CA13: variants seen among roughly 807,000 people sequenced by gnomAD.
CA13 encodes the protein CA-XIII.
In CA13, 21 loss-of-function variants were observed where a neutral mutation model predicts 31.5. That is an observed-to-expected ratio of 0.67 (90% confidence interval 0.47 to 0.96). The LOEUF (loss-of-function observed/expected upper bound fraction) is 0.96, where lower values mean the gene tolerates loss of function less well. CA13 is among the 40% of genes least tolerant of loss of function. The pLI, the probability that CA13 is intolerant of heterozygous loss-of-function variation, is 0.00. For synonymous variants in CA13, 117 were observed against 111.4 expected, an observed-to-expected ratio of 1.05 and a Z score of -0.32; for missense variants, 315 against 318.9, an observed-to-expected ratio of 0.99 and a Z score of 0.09.
Position 85,281,261 on chromosome 8 carries a change from C to G in CA13, c.701C>G (p.Ala234Gly), listed in dbSNP as rs141903317. ...LAKFRSLLCT[A>G]EGEAAAFLVS... ...AAATTTCGCAGTCTCCTGTGCACAG[C>G]GGAGGGTGAAGCAGCAGCTTTTCTG... The change falls in exon 7 of 7, where the codon GCG becomes GGG. Residue 234 changes from alanine to glycine, a missense_variant. By Grantham distance (60) the Ala-to-Gly change is moderately conservative. Transcript: ENST00000321764. 2.5e-6 allele frequency: 4 copies of G among 1,613,864 alleles called. No individual in the cohort carries two copies. The highest frequency in any genetic ancestry group is 3.3e-5 in the Admixed American group (2 of 59,994).
rs1269657527 is a variant in CA13 at position 85,281,539 on chromosome 8, G to T, written c.*190G>T. On this transcript the variant is annotated 3_prime_UTR_variant, in exon 7 of 7. Coordinates refer to ENST00000321764, the MANE Select transcript of CA13 (RefSeq NM_198584.3). ...TTTTTTTATTTTTTTTAGTGATAGA[G>T]TCTCACTCTGTCACCCAGGCTGGAG... 5.6e-6 allele frequency: 7 copies of T among 1,256,924 alleles called. No homozygotes were observed. Among genetic ancestry groups the T allele is most frequent in the Non-Finnish European group, 7.1e-6 (7 of 985,924 alleles). The allele number at this position is 1,256,924 out of a possible 1,614,324, so 77.9% of individuals were successfully genotyped here.
intron 6 of CA13, among the ~76,000 whole-genome samples, chr8:85,273,988 C>G (rs1807564621): frequency 6.6e-6 from 1 of 151,836 alleles, no homozygotes; most frequent in African/African-American, 2.4e-5. Flanking sequence ...AGTACCCGGA[C>G]GGCCTCCGTC....
chr8:85,278,399 C>T (rs2130015030), intron 6 of CA13, among the ~76,000 whole-genome samples: 1 of 151,924 alleles, frequency 6.6e-6, no homozygotes, highest in Middle Eastern at 3.4e-3. Context: ...TGCTTTGGGA[C>T]CACCCCTCCC....
At chr8:85,251,336 A>G (rs1813825088) in intron 2 of CA13, among the ~76,000 whole-genome samples, 1 of 152,142 alleles carries the variant, frequency 6.6e-6, no homozygotes, top group Admixed American at 6.5e-5. Flanking sequence ...TGTTTTTGCT[A>G]GACCTGGAAT....
At chr8:85,259,667 T>G in intron 3 of CA13, 128 bp downstream of exon 3, 1 of 703,456 alleles carries the variant, frequency 1.4e-6, no homozygotes, top group Non-Finnish European at 2.4e-6. Context: ...TGAAACTGCT[T>G]TATTCATTCA....
chr8:85,245,821 G>A lies in CA13; in HGVS notation c.-8G>A. On this transcript the variant is annotated 5_prime_UTR_variant, in exon 1 of 7. Coordinates refer to ENST00000321764, the MANE Select transcript of CA13 (RefSeq NM_198584.3). Reference sequence around the variant, plus strand: ...CACATCTTTCTCTTCCTTCCACCCCGAGGGACCATGTCGAGGCTCAGCTGG... The same window carrying A: ...CACATCTTTCTCTTCCTTCCACCCCAAGGGACCATGTCGAGGCTCAGCTGG... The A allele has an allele frequency of 6.2e-7, 1 of 1,614,022 alleles. No individual in the cohort carries two copies. Among genetic ancestry groups the A allele is most frequent in the Middle Eastern group, 1.7e-4 (1 of 6,060 alleles).
At position 85,281,962 on chromosome 8, in the gene CA13, A is replaced by G. The variant is rs975963079; in HGVS notation, c.*613A>G. On this transcript the variant is annotated 3_prime_UTR_variant, in exon 7 of 7. Coordinates refer to ENST00000321764, the MANE Select transcript of CA13 (RefSeq NM_198584.3). Reference sequence around the variant, plus strand: ...TATAGTTAACATTGCAAACTTTAGAATGTATTAAAAATTTTACCTTGCCAT... The same window carrying G: ...TATAGTTAACATTGCAAACTTTAGAGTGTATTAAAAATTTTACCTTGCCAT... 2.0e-5 allele frequency: 3 copies of G among 152,216 alleles called. No homozygotes were observed. The highest frequency in any genetic ancestry group is 4.8e-5 in the African/African-American group (2 of 41,442). 9.4% of individuals were successfully genotyped at this position (152,216 alleles called of 1,614,324 possible). A position where few individuals can be genotyped will look rare whatever the true frequency, so the allele number is the denominator to read the frequency against.
chr8:85,245,687 C>G lies in CA13; in HGVS notation c.-142C>G, dbSNP rs1268835724. On this transcript the variant is annotated 5_prime_UTR_variant, in exon 1 of 7. Coordinates refer to ENST00000321764, the MANE Select transcript of CA13 (RefSeq NM_198584.3). ...CTGGAGGACGCAGGCGGGAGCGCCC[C>G]GGACCGGGTTCACGGTCTCGCACTC... 8 of 935,922 alleles carry G rather than the reference C, an allele frequency of 8.5e-6. No homozygotes were observed. Among genetic ancestry groups the G allele is most frequent in the Non-Finnish European group, 1.2e-5 (7 of 598,492 alleles). 58.0% of individuals were successfully genotyped at this position (935,922 alleles called of 1,614,324 possible). A position where few individuals can be genotyped will look rare whatever the true frequency, so the allele number is the denominator to read the frequency against.
At chr8:85,259,037 G>A (rs981876585) in intron 2 of CA13, among the ~76,000 whole-genome samples, 5 of 152,120 alleles carry the variant, frequency 3.3e-5, no homozygotes, top group African/African-American at 1.2e-4. Context: ...CCACAATGCT[G>A]CACTGCTCTA....
rs574681472 is a variant in CA13 at position 85,245,970 on chromosome 8, A to C, written c.37+105A>C. The C allele has an allele frequency of 3.0e-6, 4 of 1,332,054 alleles. No individual in the cohort carries two copies. The African/African-American group carries it at 6.3e-5, about 21-fold the overall frequency. 82.5% of individuals were successfully genotyped at this position (1,332,054 alleles called of 1,614,324 possible). ...CACACACTGGGCTCGCACATTGAGA[A>C]ACTTTTTCGGTTCCTCTTTAAACTA... On this transcript the variant is annotated intron_variant, in intron 1 of 6. Transcript: ENST00000321764.
At position 85,268,473 on chromosome 8, in the gene CA13, G is replaced by A. The variant is rs1807484549; in HGVS notation, c.515G>A (p.Gly172Asp). 1 of 1,613,934 alleles carries A rather than the reference G, an allele frequency of 6.2e-7. No homozygotes were observed. Among genetic ancestry groups the A allele is most frequent in the Non-Finnish European group, 8.5e-7 (1 of 1,179,916 alleles). The change falls in exon 6 of 7, where the codon GGT becomes GAT. Residue 172 changes from glycine to aspartate, a missense_variant and splice_region_variant. By Grantham distance (94) the Gly-to-Asp change is moderately conservative. Transcript: ENST00000321764. ...TDTLDSIKEK[G>D]KQTRFTNFDL... The stretch of plus-strand genomic sequence containing the variant: ...TGGGAATTCTTTTTGATCCTCCAGG[G>A]TAAACAAACTCGATTCACAAATTTT...
intron 6 of CA13, among the ~76,000 whole-genome samples, chr8:85,279,873 A>T (rs1033386379): frequency 6.6e-6 from 1 of 152,116 alleles, no homozygotes; most frequent in African/African-American, 2.4e-5. Flanking sequence ...TTGACCAGAG[A>T]TTCTCTTCAG....
rs1004156722 is a variant in CA13 at position 85,283,050 on chromosome 8, G to C, written c.*1701G>C. 1.8e-4 allele frequency: 28 copies of C among 151,960 alleles called. No individual in the cohort carries two copies. The highest frequency in any genetic ancestry group is 6.5e-4 in the African/African-American group (27 of 41,392). 9.4% of individuals were successfully genotyped at this position (151,960 alleles called of 1,614,324 possible). On this transcript the variant is annotated 3_prime_UTR_variant, in exon 7 of 7. Transcript: ENST00000321764. ...AATGATTCTCCTGCCTCAGCCTCTT[G>C]AGTGGCTGGGATTACAGGCACATGC...
At chr8:85,255,192 T>C (rs1465489070) in intron 2 of CA13, among the ~76,000 whole-genome samples, 1 of 151,982 alleles carries the variant, frequency 6.6e-6, no homozygotes, top group Non-Finnish European at 1.5e-5. Flanking sequence ...CCATAACTCA[T>C]TGAAGCCCGG....
intron 6 of CA13, among the ~76,000 whole-genome samples, chr8:85,272,629 A>G (rs928823604): frequency 1.3e-5 from 2 of 152,160 alleles, no homozygotes; most frequent in African/African-American, 2.4e-5. Context: ...AATATATTTC[A>G]CAGTTGATGG....
At chr8:85,277,625 C>T (rs966315121) in intron 6 of CA13, among the ~76,000 whole-genome samples, 11 of 152,282 alleles carry the variant, frequency 7.2e-5, no homozygotes, top group South Asian at 2.1e-4. Flanking sequence ...CCAGATGCAA[C>T]GCTCTTGTAT....
intron 2 of CA13, among the ~76,000 whole-genome samples, chr8:85,253,195 T>A (rs552237864): frequency 6.6e-6 from 1 of 152,318 alleles, no homozygotes; most frequent in African/African-American, 2.4e-5. Flanking sequence ...TCCGCCCGCC[T>A]CGGCCTCCCA....
At chr8:85,251,000 T>TA in intron 2 of CA13, 63 bp downstream of exon 2, 1 of 830,884 alleles carries the variant, frequency 1.2e-6, no homozygotes. Context: ...TAGACTATAC[T>TA]CTTTTTTTTT....
chr8:85,245,877 T>TTCC lies in CA13; in HGVS notation c.37+14_37+16dup, dbSNP rs1813716040. On this transcript the variant is annotated intron_variant, in intron 1 of 6. Coordinates refer to ENST00000321764, the MANE Select transcript of CA13 (RefSeq NM_198584.3). Reference sequence around the variant, plus strand: ...CCGCGAGCACAACGGTGAGCGCCTTTTCCTGATCCAAGGGGGGGTTTGTGC... The same window carrying TTCC: ...CCGCGAGCACAACGGTGAGCGCCTTTTCCTCCTGATCCAAGGGGGGGTTTGTGC... The TTCC allele has an allele frequency of 4.3e-6, 7 of 1,613,886 alleles. No homozygotes were observed. The highest frequency in any genetic ancestry group is 5.9e-6 in the Non-Finnish European group (7 of 1,179,952).
Sources: gnomAD v4.1 joint callset for allele counts (sites outside exome capture counted in the v4.1 genomes callset) on GRCh38, gnomAD v4.1.1 for gene constraint, MANE v1.5 for transcripts, NCBI Gene and HGNC (gene_info 2026-07-23, HGNC 2026-07-21) for gene names.